Variants in ARMC3 observed in about 807,000 individuals in gnomAD.
ARMC3 encodes armadillo repeat containing 3.
In ARMC3, 74 loss-of-function variants were observed where a neutral mutation model predicts 90.3. The observed-to-expected ratio is 0.82, with a 90% CI of 0.68 to 0.99. The LOEUF (loss-of-function observed/expected upper bound fraction) is 0.99, where lower values mean the gene tolerates loss of function less well. Ranked by LOEUF, ARMC3 falls within the 50% of genes least tolerant of loss-of-function variation. The probability of loss-of-function intolerance (pLI) is 0.00; values close to 1 mark genes in which losing one functional copy is unlikely to be tolerated. For synonymous variants in ARMC3, 334 were observed against 361.8 expected, an observed-to-expected ratio of 0.92 and a Z score of 0.87; for missense variants, 958 against 1,042.8, an observed-to-expected ratio of 0.92 and a Z score of 1.12.
chr10:22,967,005 T>A (rs1379497798), intron 7 of ARMC3, among the ~76,000 whole-genome samples: 1 of 133,200 alleles, frequency 7.5e-6, no homozygotes, highest in African/African-American at 2.8e-5. Flanking sequence ...GGGGCGGGGG[T>A]GGGTAGTGGC....
intron 5 of ARMC3, 24 bp from the exon 6 acceptor site, chr10:22,959,375 G>C: frequency 6.3e-7 from 1 of 1,581,550 alleles, no homozygotes; most frequent in Non-Finnish European, 8.6e-7. Context: ...TGGCATACTT[G>C]TGTTATTTAT....
rs1470084213 is a variant in ARMC3 at position 22,998,142 on chromosome 10, A to G, written c.1176-6A>G. 6.2e-7 allele frequency: 1 copy of G among 1,613,054 alleles called. No individual in the cohort carries two copies. Among genetic ancestry groups the G allele is most frequent in the African/African-American group, 1.3e-5 (1 of 74,906 alleles). Reference sequence around the variant, plus strand: ...AATCACATTCATTTCTCTTTCATTTACTCAGCGCTGCTGCTGAAGCTGATG... The same window carrying G: ...AATCACATTCATTTCTCTTTCATTTGCTCAGCGCTGCTGCTGAAGCTGATG... On this transcript the variant is annotated splice_polypyrimidine_tract_variant and splice_region_variant and intron_variant, in intron 10 of 18. Transcript: ENST00000298032.
At chr10:22,971,543 C>A (rs982971952) in intron 8 of ARMC3, among the ~76,000 whole-genome samples, 1 of 150,786 alleles carries the variant, frequency 6.6e-6, no homozygotes, top group Admixed American at 6.6e-5. Context: ...TGGCTTCCAG[C>A]GATTCTCCTG....
intron 1 of ARMC3, among the ~76,000 whole-genome samples, chr10:22,930,741 A>T (rs796422015): frequency 6.6e-6 from 1 of 152,152 alleles, no homozygotes; most frequent in African/African-American, 2.4e-5. Flanking sequence ...CTCCCCAAGG[A>T]TTTTCTACTT....
At chr10:23,035,504 T>A (rs1425701140) in intron 18 of ARMC3, among the ~76,000 whole-genome samples, 1 of 152,082 alleles carries the variant, frequency 6.6e-6, no homozygotes, top group Non-Finnish European at 1.5e-5. Context: ...GTAAAATATC[T>A]TATCCTTCCC....
intron 7 of ARMC3, 127 bp from the exon 8 acceptor site, chr10:22,968,179 T>C: frequency 1.3e-6 from 1 of 780,120 alleles, no homozygotes; most frequent in Non-Finnish European, 2.1e-6. Flanking sequence ...TCCTATTCCC[T>C]GGGGCCTCTG....
chr10:23,037,529 A>G lies in ARMC3; in HGVS notation c.*50A>G, dbSNP rs1839167771. On this transcript the variant is annotated 3_prime_UTR_variant, in exon 19 of 19. Transcript: ENST00000298032. ...CTCAAACAAGAAATTCACTGTGTAC[A>G]CTCTCTAAGACATTCTCCAAATTGA... The G allele has an allele frequency of 1.5e-6, 2 of 1,354,758 alleles. No homozygotes were observed. The highest frequency in any genetic ancestry group is 1.5e-5 in the African/African-American group (1 of 68,716). 83.9% of individuals were successfully genotyped at this position (1,354,758 alleles called of 1,614,324 possible).
At chr10:23,010,398 TCCCTCTCCTCCCCTTTCCCTCCCAC>T (rs1837880942) in intron 16 of ARMC3, among the ~76,000 whole-genome samples, 1 of 74,446 alleles carries the variant, frequency 1.3e-5, no homozygotes, top group Non-Finnish European at 2.7e-5. Flanking sequence ...CTCTTTCCCT[TCCCTCTCCTCCCCTTTCCCTCCCAC>T]CCCTTCCCTT....
At chr10:23,005,289 T>C (rs73600593) in intron 13 of ARMC3, among the ~76,000 whole-genome samples, 4,372 of 148,616 alleles carry the variant, frequency 0.029, 90 homozygotes, top group African/African-American at 0.053. Context: ...CGAAAAACGA[T>C]CGCAGAACAC....
chr10:23,032,099 C>A (rs1838944660), intron 17 of ARMC3, among the ~76,000 whole-genome samples: 1 of 152,026 alleles, frequency 6.6e-6, no homozygotes. Flanking sequence ...TTTATAAATA[C>A]AAATTAAAAA....
intron 10 of ARMC3, among the ~76,000 whole-genome samples, chr10:22,991,494 A>G (rs1389925391): frequency 1.1e-4 from 16 of 150,472 alleles, no homozygotes; most frequent in Non-Finnish European, 5.9e-5. Context: ...TGATTCTACC[A>G]TTATCTGGGT....
chr10:23,010,243 C>T (rs1296604012), intron 16 of ARMC3, among the ~76,000 whole-genome samples: 1 of 147,818 alleles, frequency 6.8e-6, no homozygotes, highest in Admixed American at 6.7e-5. Context: ...TCTCTCCCTT[C>T]CCATCCCTGT....
chr10:22,929,527 C>T (rs1003060261), intron 1 of ARMC3, among the ~76,000 whole-genome samples: 8 of 152,168 alleles, frequency 5.3e-5, no homozygotes, highest in Non-Finnish European at 8.8e-5. Flanking sequence ...CTATCATACC[C>T]AATATGGTGA....
At chr10:22,954,724 A>G (rs1336898112) in intron 3 of ARMC3, among the ~76,000 whole-genome samples, 1 of 151,976 alleles carries the variant, frequency 6.6e-6, no homozygotes, top group African/African-American at 2.4e-5. Flanking sequence ...TAGAGTTCCC[A>G]TAAACACCCC....
chr10:22,974,956 A>G (rs1835854471), intron 8 of ARMC3, among the ~76,000 whole-genome samples: 1 of 151,874 alleles, frequency 6.6e-6, no homozygotes, highest in African/African-American at 2.4e-5. Context: ...CTCTTTTTTA[A>G]GAATCACTGT....
chr10:23,010,871 T>C (rs1367484203), intron 16 of ARMC3, among the ~76,000 whole-genome samples: 3 of 55,838 alleles, frequency 5.4e-5, no homozygotes, highest in African/African-American at 1.2e-4. Context: ...TTGCCTCTCC[T>C]CTCCTTCCCT....
In ARMC3 at chr10:23,032,885, T is replaced by C; in HGVS notation, c.2271T>C (p.Gly757=). 6.2e-7 allele frequency: 1 copy of C among 1,612,442 alleles called. No individual in the cohort carries two copies. ...LAKYVAEKMG[G]KIPKEKLPDF... ...GGTATGTAGCAGAAAAAATGGGTGG[T>C]AAGATTCCAAAAGAGAAACTACCTG... The change falls in exon 18 of 19, where the codon GGT becomes GGC. Residue 757 remains glycine, a synonymous_variant. Transcript: ENST00000298032.
intron 8 of ARMC3, among the ~76,000 whole-genome samples, chr10:22,972,590 C>T (rs188473730): frequency 1.3e-3 from 194 of 152,268 alleles, no homozygotes; most frequent in African/African-American, 4.2e-3. Flanking sequence ...TAATGACTAA[C>T]TGTATTTACT....
intron 10 of ARMC3, among the ~76,000 whole-genome samples, chr10:22,990,992 C>T (rs1380804436): frequency 6.6e-6 from 1 of 151,882 alleles, no homozygotes; most frequent in Admixed American, 6.6e-5. Context: ...TCCTCTGCCT[C>T]CTCCTCTCTG....
Sources: gnomAD v4.1 joint callset for allele counts (sites outside exome capture counted in the v4.1 genomes callset) on GRCh38, gnomAD v4.1.1 for gene constraint, MANE v1.5 for transcripts, NCBI Gene and HGNC (gene_info 2026-07-23, HGNC 2026-07-21) for gene names.